The following PTPRD variants were observed in gnomAD, a reference collection of about 807,000 sequenced individuals.
PTPRD encodes the protein receptor-type tyrosine-protein phosphatase delta.
A neutral mutation model predicts 214.5 loss-of-function variants in PTPRD; 34 were observed. The observed-to-expected ratio is 0.16, with a 90% CI of 0.12 to 0.21. The LOEUF (loss-of-function observed/expected upper bound fraction) is 0.21, where lower values mean the gene tolerates loss of function less well. PTPRD is among the 10% of genes least tolerant of loss of function. PTPRD has a pLI of 1.00. For synonymous variants in PTPRD, 1,128 were observed against 845.7 expected (o/e 1.33, Z -5.79); for missense variants, 2,545 against 2,398.7 (o/e 1.06, Z -1.27).
intron 2 of PTPRD, among the ~76,000 whole-genome samples, chr9:10,468,444 G>A (rs2099008861): frequency 1.3e-5 from 2 of 152,084 alleles, no homozygotes; most frequent in African/African-American, 2.4e-5. Context: ...AGAGGGAGGT[G>A]AACAATGAGA....
chr9:10,071,844 G>C (rs10958867), intron 3 of PTPRD, among the ~76,000 whole-genome samples: 12,597 of 151,766 alleles, frequency 0.083, 1,596 homozygotes, highest in African/African-American at 0.26. Flanking sequence ...ACAATTATGA[G>C]AATTATAAAA....
chr9:9,590,174 C>T (rs1169497812), intron 7 of PTPRD, among the ~76,000 whole-genome samples: 1 of 151,994 alleles, frequency 6.6e-6, no homozygotes, highest in Non-Finnish European at 1.5e-5. Context: ...AACACATTTA[C>T]ATATTAGGAT....
intron 3 of PTPRD, among the ~76,000 whole-genome samples, chr9:10,205,367 C>CTTTAT (rs199568529): frequency 0.026 from 3,892 of 148,136 alleles, 80 homozygotes; most frequent in African/African-American, 0.048. Flanking sequence ...TCTTCTTCTT[C>CTTTAT]TTTATTTTAT....
At chr9:8,325,873 CTAT>C (rs1407131463) in intron 44 of PTPRD, among the ~76,000 whole-genome samples, 1 of 151,984 alleles carries the variant, frequency 6.6e-6, no homozygotes. Flanking sequence ...CGTGATTTGG[CTAT>C]TATTGGTGTA....
chr9:10,423,053 C>T (rs1565938341), intron 2 of PTPRD, among the ~76,000 whole-genome samples: 1 of 152,054 alleles, frequency 6.6e-6, no homozygotes, highest in Admixed American at 6.6e-5. Context: ...TTGGAACCAA[C>T]CCAAATGTCC....
intron 2 of PTPRD, among the ~76,000 whole-genome samples, chr9:10,500,006 C>T (rs959042894): frequency 7.2e-5 from 11 of 151,748 alleles, no homozygotes; most frequent in African/African-American, 2.7e-4. Flanking sequence ...CTTTCTCTGT[C>T]CCCAAACCAA....
chr9:8,332,347 G>A (rs772123500), intron 43 of PTPRD, among the ~76,000 whole-genome samples: 8 of 152,074 alleles, frequency 5.3e-5, no homozygotes, highest in Non-Finnish European at 1.2e-4. Flanking sequence ...TGTCTCAGAG[G>A]AATACCATTT....
chr9:9,991,962 A>G (rs1157242497), intron 4 of PTPRD, among the ~76,000 whole-genome samples: 2 of 152,158 alleles, frequency 1.3e-5, no homozygotes, highest in African/African-American at 2.4e-5. Context: ...TACTGACACA[A>G]TGCTACAACA....
intron 2 of PTPRD, among the ~76,000 whole-genome samples, chr9:10,538,295 TAAAA>T (rs200538843): frequency 1.6e-5 from 2 of 123,846 alleles, no homozygotes; most frequent in Admixed American, 8.0e-5. Context: ...AATAAATAAA[TAAAA>T]AGGGAGAGGA....
At chr9:10,064,984 T>G (rs918857920) in intron 3 of PTPRD, among the ~76,000 whole-genome samples, 2 of 151,918 alleles carry the variant, frequency 1.3e-5, no homozygotes, top group Non-Finnish European at 2.9e-5. Flanking sequence ...CAATAGTGAT[T>G]TGAATTTTAA....
At chr9:8,982,385 C>T (rs1160310702) in intron 11 of PTPRD, among the ~76,000 whole-genome samples, 3 of 151,888 alleles carry the variant, frequency 2.0e-5, no homozygotes, top group Admixed American at 1.3e-4. Flanking sequence ...TAAGGGAAGT[C>T]TTTCTCTCTG....
chr9:8,633,920 T>C (rs886573571), intron 13 of PTPRD, among the ~76,000 whole-genome samples: 3 of 151,994 alleles, frequency 2.0e-5, no homozygotes, highest in African/African-American at 7.2e-5. Context: ...AACTGTCTCA[T>C]CCTGAACAGT....
chr9:9,270,443 G>A (rs191522107), intron 9 of PTPRD, among the ~76,000 whole-genome samples: 2 of 151,448 alleles, frequency 1.3e-5, no homozygotes, highest in Admixed American at 6.6e-5. Flanking sequence ...CAGAAAGAGC[G>A]TTCCAGGCAG....
chr9:10,046,156 G>A (rs561871981), intron 3 of PTPRD, among the ~76,000 whole-genome samples: 6 of 151,658 alleles, frequency 4.0e-5, no homozygotes, highest in East Asian at 1.9e-4. Flanking sequence ...ATCATTAAGC[G>A]GCTTTTCCAG....
chr9:10,561,602 C>A (rs1003206740), intron 2 of PTPRD, among the ~76,000 whole-genome samples: 1 of 152,086 alleles, frequency 6.6e-6, no homozygotes, highest in Admixed American at 6.6e-5. Context: ...GAATAAAACC[C>A]AGGACTCCCA....
intron 5 of PTPRD, among the ~76,000 whole-genome samples, chr9:9,815,018 T>C (rs2048329571): frequency 6.6e-6 from 1 of 151,936 alleles, no homozygotes; most frequent in South Asian, 2.1e-4. Flanking sequence ...CACCTCAGCC[T>C]CCCAAAGTGT....
intron 11 of PTPRD, among the ~76,000 whole-genome samples, chr9:8,800,167 A>G (rs1040477085): frequency 1.3e-5 from 2 of 152,078 alleles, no homozygotes; most frequent in African/African-American, 4.8e-5. Context: ...GTGTGCATGC[A>G]TCATGCCTTT....
chr9:9,196,478 C>G (rs1037981402), intron 9 of PTPRD, among the ~76,000 whole-genome samples: 2 of 152,184 alleles, frequency 1.3e-5, no homozygotes, highest in East Asian at 3.8e-4. Flanking sequence ...TTCATACACT[C>G]TTTTATAAGG....
At position 8,317,830 on chromosome 9, in the gene PTPRD, T is replaced by C; in HGVS notation, c.*44A>G. 1 of 1,570,578 alleles carries C rather than the reference T, an allele frequency of 6.4e-7. No homozygotes were observed. Among genetic ancestry groups the C allele is most frequent in the Non-Finnish European group, 8.8e-7 (1 of 1,141,390 alleles). ...TATGGCTCAGAAGAGACTCCATGGA[T>C]ATTGAAGGGCCTGTAGTAAAAATCC... On this transcript the variant is annotated 3_prime_UTR_variant, in exon 46 of 46. Transcript: ENST00000381196.
Sources: gnomAD v4.1 joint callset for allele counts (sites outside exome capture counted in the v4.1 genomes callset) on GRCh38, gnomAD v4.1.1 for gene constraint, MANE v1.5 for transcripts, NCBI Gene and HGNC (gene_info 2026-07-23, HGNC 2026-07-21) for gene names.